Variants in PATJ observed in about 807,000 individuals in gnomAD.
The protein encoded by PATJ is PATJ crumbs cell polarity complex component, also known as inaD-like protein.
In PATJ, 190 loss-of-function variants were observed where a neutral mutation model predicts 224.9. That is an observed-to-expected ratio of 0.84 (90% CI 0.75 to 0.95). The LOEUF is 0.95. PATJ is among the 40% of genes least tolerant of loss of function. The pLI is 0.00. For missense variants in PATJ, 2,121 were observed against 2,270.3 expected (o/e 0.93, Z 1.34); for synonymous variants, 769 against 820.3 (o/e 0.94, Z 1.07).
chr1:62,044,031 G>A (rs1465965249), intron 30 of PATJ, among the ~76,000 whole-genome samples: 1 of 152,084 alleles, frequency 6.6e-6, no homozygotes, highest in African/African-American at 2.4e-5. Flanking sequence ...TGGCCAACAT[G>A]ATGTTTTGAA....
At chr1:62,090,787 C>G (rs979859839) in intron 33 of PATJ, among the ~76,000 whole-genome samples, 23 of 152,172 alleles carry the variant, frequency 1.5e-4, no homozygotes, top group African/African-American at 5.1e-4. Context: ...AGGCCTCTTA[C>G]CTTTTCTGAT....
At chr1:61,770,149 G>A (rs767057150) in intron 5 of PATJ, among the ~76,000 whole-genome samples, 3 of 152,002 alleles carry the variant, frequency 2.0e-5, no homozygotes. Flanking sequence ...TCCATTCTTG[G>A]GGGATTAATT....
chr1:62,151,712 C>T (rs1668658414), intron 42 of PATJ, among the ~76,000 whole-genome samples: 2 of 152,206 alleles, frequency 1.3e-5, no homozygotes, highest in Non-Finnish European at 2.9e-5. Flanking sequence ...TCTCTAAGTA[C>T]ATGAATGGCT....
intron 30 of PATJ, 39 bp downstream of exon 30, chr1:62,038,088 G>C (rs1650784157): frequency 8.2e-7 from 1 of 1,212,184 alleles, no homozygotes; most frequent in Non-Finnish European, 1.2e-6. Flanking sequence ...ATATTAGATG[G>C]ATTTGTCATG....
intron 37 of PATJ, 198 bp downstream of exon 37, chr1:62,117,416 C>T (rs1358933231): frequency 7.1e-7 from 1 of 1,399,396 alleles, no homozygotes. Flanking sequence ...TTTTTCTCTC[C>T]TTTATTGCTT....
At chr1:62,076,795 C>T (rs1023232439) in intron 31 of PATJ, among the ~76,000 whole-genome samples, 2 of 152,172 alleles carry the variant, frequency 1.3e-5, no homozygotes, top group African/African-American at 2.4e-5. Context: ...CATAAAAGAA[C>T]TCTGCGGCTT....
chr1:61,802,148 C>T lies in PATJ; in HGVS notation c.1549+379C>T, dbSNP rs986642879. On this transcript the variant is annotated intron_variant, in intron 12 of 43. Transcript: ENST00000642238. ...CATTCTTGATGCCCAGGCTGGAGTG[C>T]GGTGGCATGATCTCAGCTTACTGCA... Among the ~76,000 whole-genome samples, 6 of 152,096 alleles carry T rather than the reference C, an allele frequency of 3.9e-5. No individual in the cohort carries two copies. The South Asian group carries it at 6.2e-4, about 16-fold the overall frequency.
intron 33 of PATJ, among the ~76,000 whole-genome samples, chr1:62,087,247 C>G (rs1449640529): frequency 6.6e-6 from 1 of 151,998 alleles, no homozygotes; most frequent in Admixed American, 6.5e-5. Flanking sequence ...TGAAGTCCAG[C>G]TGGCTCTTCT....
intron 17 of PATJ, among the ~76,000 whole-genome samples, chr1:61,855,206 T>A (rs1194850751): frequency 1.3e-5 from 2 of 152,148 alleles, no homozygotes; most frequent in African/African-American, 4.8e-5. Context: ...AGGCTTATCT[T>A]TGGTCCATCA....
At chr1:62,101,743 A>C (rs2148836906) in intron 33 of PATJ, among the ~76,000 whole-genome samples, 1 of 152,270 alleles carries the variant, frequency 6.6e-6, no homozygotes. Flanking sequence ...TTGAGGGAGA[A>C]GTTTTTAAGC....
intron 9 of PATJ, 114 bp from the exon 10 acceptor site, chr1:61,795,353 T>C: frequency 1.8e-6 from 1 of 564,158 alleles, no homozygotes; most frequent in Non-Finnish European, 3.2e-6. Flanking sequence ...TTCAAAATAG[T>C]ATTTATCAAA....
intron 27 of PATJ, among the ~76,000 whole-genome samples, chr1:61,951,001 G>T (rs994190688): frequency 1.3e-5 from 2 of 152,066 alleles, no homozygotes; most frequent in Non-Finnish European, 2.9e-5. Context: ...ACAAAAATTA[G>T]CTGGGCCTGG....
chr1:62,055,010 G>A (rs1001230679), intron 31 of PATJ, among the ~76,000 whole-genome samples: 7 of 151,836 alleles, frequency 4.6e-5, no homozygotes, highest in African/African-American at 7.3e-5. Context: ...AGCTGAGATC[G>A]CACCATTGCA....
chr1:61,754,548 T>TA (rs1645522278), intron 1 of PATJ, among the ~76,000 whole-genome samples: 1 of 125,322 alleles, frequency 8.0e-6, no homozygotes, highest in Non-Finnish European at 1.6e-5. Context: ...TTTTTGTAGA[T>TA]ACAGGGTTCT....
chr1:61,797,480 C>T (rs1651588820), intron 11 of PATJ, 52 bp downstream of exon 11: 3 of 1,500,076 alleles, frequency 2.0e-6, no homozygotes, highest in African/African-American at 1.4e-5. Context: ...TTTGGAAGAG[C>T]AGTTCAATTA....
intron 1 of PATJ, among the ~76,000 whole-genome samples, chr1:61,754,128 A>G (rs2148211933): frequency 6.6e-6 from 1 of 152,362 alleles, no homozygotes; most frequent in South Asian, 2.1e-4. Context: ...CTATGAGGAC[A>G]GTAGTACAAT....
intron 16 of PATJ, among the ~76,000 whole-genome samples, chr1:61,830,494 T>A (rs1659110272): frequency 6.6e-6 from 1 of 151,956 alleles, no homozygotes; most frequent in South Asian, 2.1e-4. Context: ...AGAAAAAAAC[T>A]ATTCTAAAAT....
chr1:61,893,541 C>T (rs557332671), intron 22 of PATJ, among the ~76,000 whole-genome samples: 3 of 150,490 alleles, frequency 2.0e-5, no homozygotes, highest in South Asian at 4.2e-4. Context: ...TGGCTCATGC[C>T]CATGATCCCA....
chr1:61,791,788 G>C (rs1649924060), intron 9 of PATJ, among the ~76,000 whole-genome samples: 2 of 151,774 alleles, frequency 1.3e-5, no homozygotes, highest in Non-Finnish European at 2.9e-5. Context: ...TTCTGTATAT[G>C]TTTCATATTG....
Sources: gnomAD v4.1 joint callset for allele counts (sites outside exome capture counted in the v4.1 genomes callset) on GRCh38, gnomAD v4.1.1 for gene constraint, MANE v1.5 for transcripts, NCBI Gene and HGNC (gene_info 2026-07-23, HGNC 2026-07-21) for gene names.